Variants in GHR observed in about 807,000 individuals in gnomAD.
GHR encodes the protein GH receptor.
A neutral mutation model predicts 67.1 loss-of-function variants in GHR; 35 were observed. That is an observed-to-expected ratio of 0.52 (90% confidence interval 0.40 to 0.69). The LOEUF (loss-of-function observed/expected upper bound fraction) is 0.69. Ranked by LOEUF, GHR falls within the 30% of genes least tolerant of loss-of-function variation. GHR has a pLI of 0.00. For missense variants in GHR, 792 were observed against 764.6 expected (o/e 1.04, Z -0.42); for synonymous variants, 272 against 269.1 (o/e 1.01, Z -0.10).
At chr5:42,538,495 G>C (rs1442183605) in intron 1 of GHR, among the ~76,000 whole-genome samples, 1 of 152,192 alleles carries the variant, frequency 6.6e-6, no homozygotes, top group African/African-American at 2.4e-5. Flanking sequence ...GGAGGCTGAA[G>C]ATAGGGGCCC....
chr5:42,580,263 A>G (rs1751088057), intron 2 of GHR, among the ~76,000 whole-genome samples: 1 of 152,214 alleles, frequency 6.6e-6, no homozygotes, highest in African/African-American at 2.4e-5. Context: ...TTTACTGGGT[A>G]CTATTTTCGG....
chr5:42,664,837 C>T (rs1277177952), intron 3 of GHR, among the ~76,000 whole-genome samples: 1 of 152,058 alleles, frequency 6.6e-6, no homozygotes, highest in Non-Finnish European at 1.5e-5. Flanking sequence ...ATTTTCGCAA[C>T]CTACTCATCT....
chr5:42,532,050 G>A (rs1747995539), intron 1 of GHR, among the ~76,000 whole-genome samples: 1 of 151,674 alleles, frequency 6.6e-6, no homozygotes, highest in Non-Finnish European at 1.5e-5. Context: ...ACAAGATCCA[G>A]CCTGACAATA....
At chr5:42,555,009 C>T (rs1396892891) in intron 1 of GHR, among the ~76,000 whole-genome samples, 1 of 152,114 alleles carries the variant, frequency 6.6e-6, no homozygotes, top group Non-Finnish European at 1.5e-5. Context: ...GCTATTACAC[C>T]TCCTTTGATC....
chr5:42,630,566 C>A (rs1004857748), intron 3 of GHR, among the ~76,000 whole-genome samples: 1 of 131,676 alleles, frequency 7.6e-6, no homozygotes, highest in African/African-American at 3.2e-5. Flanking sequence ...TCAGTTGTGC[C>A]AGACCACAAA....
chr5:42,492,647 G>A (rs1362426590), intron 1 of GHR, among the ~76,000 whole-genome samples: 1 of 152,134 alleles, frequency 6.6e-6, no homozygotes, highest in African/African-American at 2.4e-5. Context: ...ATTAGCAAAG[G>A]TTGATTATAA....
At chr5:42,491,095 A>G (rs1195258144) in intron 1 of GHR, among the ~76,000 whole-genome samples, 4 of 152,236 alleles carry the variant, frequency 2.6e-5, no homozygotes, top group Non-Finnish European at 5.9e-5. Context: ...ATGCTGTGAT[A>G]TTATTAAATT....
At chr5:42,567,767 C>CTGTGTGTGTGTGTG (rs68150223) in intron 2 of GHR, among the ~76,000 whole-genome samples, 1 of 140,730 alleles carries the variant, frequency 7.1e-6, no homozygotes, top group African/African-American at 2.6e-5. Flanking sequence ...ATGCTTGGCT[C>CTGTGTGTGTGTGTG]TGTGTGTGTG....
At chr5:42,696,993 C>T (rs999520147) in intron 5 of GHR, among the ~76,000 whole-genome samples, 2 of 152,020 alleles carry the variant, frequency 1.3e-5, no homozygotes, top group Non-Finnish European at 2.9e-5. Context: ...CAATGTGAAA[C>T]GTAGATTGGA....
At chr5:42,588,115 A>G (rs1751579469) in intron 2 of GHR, among the ~76,000 whole-genome samples, 1 of 152,222 alleles carries the variant, frequency 6.6e-6, no homozygotes, top group African/African-American at 2.4e-5. Context: ...TCAAAATAAA[A>G]TTATGCCTTA....
At chr5:42,524,436 C>G (rs1747613492) in intron 1 of GHR, among the ~76,000 whole-genome samples, 1 of 152,150 alleles carries the variant, frequency 6.6e-6, no homozygotes, top group Non-Finnish European at 1.5e-5. Context: ...GAAGAAATTT[C>G]TAAACAACAA....
chr5:42,513,645 G>A (rs1747117993), intron 1 of GHR, among the ~76,000 whole-genome samples: 1 of 152,130 alleles, frequency 6.6e-6, no homozygotes, highest in South Asian at 2.1e-4. Flanking sequence ...AGCCAGGCGT[G>A]GTGGTGCATG....
At position 42,424,629 on chromosome 5, in the gene GHR, C is replaced by G. The variant is rs1383736689; in HGVS notation, c.-12+674C>G. ...TGGAAATTGTGGCGAGCCGACCTCCCCCAGCTTTTGACACACTAGTGGTTG... is the reference window on the plus strand; with the variant it reads ...TGGAAATTGTGGCGAGCCGACCTCCGCCAGCTTTTGACACACTAGTGGTTG... On this transcript the variant is annotated intron_variant, in intron 1 of 9. Transcript: ENST00000230882. This position sits in a 1 kb window ranked among gnomAD's most constrained non-coding sequence, Gnocchi z 4.1. The G allele has an allele frequency of 6.5e-7, 1 of 1,529,172 alleles. No individual in the cohort carries two copies. The highest frequency in any genetic ancestry group is 2.0e-5 in the Admixed American group (1 of 50,978). 94.7% of individuals were successfully genotyped at this position (1,529,172 alleles called of 1,614,324 possible).
At chr5:42,658,040 A>G (rs1242594181) in intron 3 of GHR, among the ~76,000 whole-genome samples, 1 of 152,158 alleles carries the variant, frequency 6.6e-6, no homozygotes, top group Non-Finnish European at 1.5e-5. Flanking sequence ...TTGCTTAGGG[A>G]ATTCAGATAT....
intron 1 of GHR, among the ~76,000 whole-genome samples, chr5:42,509,739 T>G (rs915300433): frequency 6.6e-6 from 1 of 151,840 alleles, no homozygotes; most frequent in Non-Finnish European, 1.5e-5. Context: ...TTTTTTTTTT[T>G]TTTTACACGT....
intron 2 of GHR, among the ~76,000 whole-genome samples, chr5:42,580,694 G>A (rs1200391082): frequency 6.6e-6 from 1 of 152,164 alleles, no homozygotes; most frequent in Non-Finnish European, 1.5e-5. Flanking sequence ...GTAGGACCAA[G>A]ACACACAACC....
At chr5:42,609,800 C>A (rs142334277) in intron 2 of GHR, among the ~76,000 whole-genome samples, 5 of 152,262 alleles carry the variant, frequency 3.3e-5, no homozygotes, top group Admixed American at 2.0e-4. Flanking sequence ...CCTTTGAAAT[C>A]TCAAAATCCT....
intron 2 of GHR, among the ~76,000 whole-genome samples, chr5:42,574,180 T>C (rs771268070): frequency 6.6e-6 from 1 of 152,224 alleles, no homozygotes; most frequent in Non-Finnish European, 1.5e-5. Context: ...AAGGATGTGT[T>C]GTAACAAGAG....
chr5:42,719,087 A>G lies in GHR; in HGVS notation c.1580A>G (p.Asn527Ser). 1 of 1,613,400 alleles carries G rather than the reference A, an allele frequency of 6.2e-7. No homozygotes were observed. The highest frequency in any genetic ancestry group is 8.5e-7 in the Non-Finnish European group (1 of 1,179,348). Residue 527 changes from asparagine (N) to serine (S), a missense_variant, in exon 10 of 10, where the codon AAC (asparagine) becomes AGC (serine). Transcript: ENST00000230882. ...GAAATGGTCTCACTCTGCCAAGAAAACTTCCTTATGGACAATGCCTACTTC... is the reference window on the plus strand; with the variant it reads ...GAAATGGTCTCACTCTGCCAAGAAAGCTTCCTTATGGACAATGCCTACTTC... Reference protein sequence around the residue: ...HPEMVSLCQENFLMDNAYFCE... With the variant: ...HPEMVSLCQESFLMDNAYFCE...
Sources: allele counts gnomAD v4.1 joint callset (sites outside exome capture counted in the v4.1 genomes callset), GRCh38; gene constraint gnomAD v4.1.1; non-coding constraint Gnocchi (gnomAD v3.1); transcripts MANE v1.5; gene names NCBI Gene and HGNC (gene_info 2026-07-23, HGNC 2026-07-21).